Variants in CTTN observed in about 807,000 individuals in gnomAD.
CTTN encodes the protein cortactin.
Under a neutral mutation model 84.0 loss-of-function variants are expected in CTTN, and 28 were observed. The ratio of observed to expected loss-of-function variants is 0.33; its 90% CI spans 0.25 to 0.46. The LOEUF (loss-of-function observed/expected upper bound fraction) is 0.46. Ranked by LOEUF, CTTN falls within the 20% of genes least tolerant of loss-of-function variation. The pLI is 1.00. For missense variants in CTTN, 641 were observed against 723.8 expected, an observed-to-expected ratio of 0.89 and a Z score of 1.31; for synonymous variants, 301 against 288.8, an observed-to-expected ratio of 1.04 and a Z score of -0.43.
Position 70,421,599 on chromosome 11 carries a change from TCCTACCCTCCCC to T in CTTN, c.901+22_901+33del. On this transcript the variant is annotated intron_variant, in intron 11 of 17. Coordinates refer to ENST00000301843, the MANE Select transcript of CTTN (RefSeq NM_005231.4). The stretch of plus-strand genomic sequence containing the variant: ...CAGCAAGGCACAGTTGCCACCAGCC[TCCTACCCTCCCC>T]CCGACCCTCCTGTGCGGCCACTTCT... 6.4e-7 allele frequency: 1 copy of T among 1,569,132 alleles called. No individual in the cohort carries two copies. The highest frequency in any genetic ancestry group is 8.8e-7 in the Non-Finnish European group (1 of 1,139,186).
At chr11:70,418,032 T>G (rs1436452547) in intron 8 of CTTN, among the ~76,000 whole-genome samples, 1 of 152,168 alleles carries the variant, frequency 6.6e-6, no homozygotes, top group Non-Finnish European at 1.5e-5. Context: ...CCTGCCTGTT[T>G]CCCTGTGCCT....
intron 2 of CTTN, among the ~76,000 whole-genome samples, chr11:70,406,963 G>C (rs2058046493): frequency 6.6e-6 from 1 of 152,172 alleles, no homozygotes; most frequent in South Asian, 2.1e-4. Flanking sequence ...ATCATCATAT[G>C]ATTGAACAGA....
intron 5 of CTTN, among the ~76,000 whole-genome samples, chr11:70,411,760 C>A (rs1177806327): frequency 6.6e-6 from 1 of 152,148 alleles, no homozygotes; most frequent in Non-Finnish European, 1.5e-5. Context: ...CCAGGAGCTC[C>A]CTGGAAGAGC....
At chr11:70,420,558 TG>T in intron 10 of CTTN, 48 bp downstream of exon 10, 1 of 1,434,980 alleles carries the variant, frequency 7.0e-7, no homozygotes, top group Middle Eastern at 1.7e-4. Context: ...AGTTTGTTTT[TG>T]TTCCTTGCGG....
At chr11:70,422,724 G>A in intron 11 of CTTN, 1 of 1,445,954 alleles carries the variant, frequency 6.9e-7, no homozygotes, top group Non-Finnish European at 9.2e-7. Flanking sequence ...TGAAGCCTCT[G>A]CCCCTGGCCT....
chr11:70,414,473 G>A, intron 5 of CTTN, 69 bp from the exon 6 acceptor site: 1 of 1,183,080 alleles, frequency 8.5e-7, no homozygotes, highest in Non-Finnish European at 1.3e-6. Flanking sequence ...CCCCAGCCCT[G>A]CTCTGGGAGG....
At chr11:70,432,885 C>T (rs2058370238) in intron 15 of CTTN, among the ~76,000 whole-genome samples, 1 of 152,158 alleles carries the variant, frequency 6.6e-6, no homozygotes, top group African/African-American at 2.4e-5. Context: ...GTGGTGAGGA[C>T]CGGGTCATCA....
intron 7 of CTTN, 28 bp from the exon 8 acceptor site, chr11:70,416,985 C>G: frequency 6.5e-7 from 1 of 1,537,196 alleles, no homozygotes; most frequent in Admixed American, 1.7e-5. Flanking sequence ...CTCAGGCCCC[C>G]GTGCTAATTG....
At chr11:70,433,565 G>C (rs1565501577) in intron 16 of CTTN, 82 bp from the exon 17 acceptor site, 1 of 1,105,114 alleles carries the variant, frequency 9.0e-7, no homozygotes, top group African/African-American at 1.6e-5. Context: ...CAAAATCTTA[G>C]GAAGTGTCGT....
rs543335147 is a variant in CTTN, at chr11:70,436,495, T to C, written c.*1333T>C. 108 of 1,148,308 alleles carry C rather than the reference T, an allele frequency of 9.4e-5. No homozygotes were observed. Among genetic ancestry groups the C allele is most frequent in the Non-Finnish European group, 1.3e-4 (101 of 792,062 alleles). The allele number at this position is 1,148,308 out of a possible 1,614,324, so 71.1% of individuals were successfully genotyped here. A position where few individuals can be genotyped will look rare whatever the true frequency, so the allele number is the denominator to read the frequency against. ...GAGGTCGGGTTTTATATGCAACTTA[T>C]TGTATCTGAATTCCTGTAGCACACC... is the stretch of plus-strand genomic sequence containing the variant. On this transcript the variant is annotated 3_prime_UTR_variant, in exon 18 of 18. Transcript: ENST00000301843.
intron 5 of CTTN, among the ~76,000 whole-genome samples, chr11:70,413,329 G>A (rs576892630): frequency 3.9e-5 from 6 of 152,322 alleles, no homozygotes; most frequent in Admixed American, 2.6e-4. Flanking sequence ...CCATGTGCCC[G>A]CACTGTCTGT....
intron 1 of CTTN, among the ~76,000 whole-genome samples, chr11:70,404,248 G>A (rs1440793044): frequency 1.3e-5 from 2 of 152,204 alleles, no homozygotes; most frequent in African/African-American, 4.8e-5. Flanking sequence ...AGTTCCTAAT[G>A]CGTGAGAAAC....
chr11:70,434,405 A>C lies in CTTN; in HGVS notation c.1517-621A>C, dbSNP rs1169478889. ...TTACGGGTGGCGTGGGATTCCCCTC[A>C]GAACCCCCGGCCTCTGCCTCTTGAG... On this transcript the variant is annotated intron_variant, in intron 17 of 17. Transcript: ENST00000301843. 2.6e-5 allele frequency among the ~76,000 whole-genome samples: 4 copies of C among 152,266 alleles called. No homozygotes were observed. In the South Asian group the frequency reaches 8.3e-4, roughly 31 times the overall value.
At chr11:70,408,947 G>A (rs920379881) in intron 4 of CTTN, among the ~76,000 whole-genome samples, 7 of 152,050 alleles carry the variant, frequency 4.6e-5, no homozygotes, top group Admixed American at 1.3e-4. Context: ...AACATGTCTC[G>A]GAGGGTGGCT....
At chr11:70,422,398 C>A in intron 11 of CTTN, 1 of 843,246 alleles carries the variant, frequency 1.2e-6, no homozygotes, top group Non-Finnish European at 1.7e-6. Context: ...AGTGGCTCTC[C>A]GTGGCATCAC....
At chr11:70,413,167 A>G (rs2058114506) in intron 5 of CTTN, among the ~76,000 whole-genome samples, 2 of 152,260 alleles carry the variant, frequency 1.3e-5, no homozygotes, top group Admixed American at 1.3e-4. Flanking sequence ...CAATAGGGGA[A>G]ATAGTGGACA....
At chr11:70,411,866 C>T (rs150273059) in intron 5 of CTTN, among the ~76,000 whole-genome samples, 44 of 152,274 alleles carry the variant, frequency 2.9e-4, no homozygotes, top group African/African-American at 1.1e-3. Flanking sequence ...CAGGGAGACT[C>T]CCCTCCGGGC....
intron 2 of CTTN, among the ~76,000 whole-genome samples, chr11:70,405,871 T>C (rs943788667): frequency 6.6e-6 from 1 of 152,230 alleles, no homozygotes; most frequent in Non-Finnish European, 1.5e-5. Context: ...ACCTTCTCAG[T>C]GGTGGGAACC....
At chr11:70,419,017 C>T (rs1296873374) in intron 8 of CTTN, among the ~76,000 whole-genome samples, 7 of 151,640 alleles carry the variant, frequency 4.6e-5, no homozygotes, top group African/African-American at 7.3e-5. Flanking sequence ...CCTCATGATC[C>T]GCCCACCTTG....
Sources: gnomAD v4.1 joint callset for allele counts (sites outside exome capture counted in the v4.1 genomes callset) on GRCh38, gnomAD v4.1.1 for gene constraint, MANE v1.5 for transcripts, NCBI Gene and HGNC (gene_info 2026-07-23, HGNC 2026-07-21) for gene names.